Variants in TNFRSF1A observed in about 807,000 individuals in gnomAD.
The protein encoded by TNFRSF1A is TNF receptor superfamily member 1A, also known as tumor necrosis factor receptor superfamily member 1A.
A neutral mutation model predicts 41.6 loss-of-function variants in TNFRSF1A; 9 were observed. That is an observed-to-expected ratio of 0.22 (90% CI 0.13 to 0.38). The LOEUF (loss-of-function observed/expected upper bound fraction) is 0.38, where lower values mean the gene tolerates loss of function less well. Ranked by LOEUF, TNFRSF1A falls within the 10% of genes least tolerant of loss-of-function variation. The pLI is 1.00. For synonymous variants in TNFRSF1A, 254 were observed against 248.6 expected (o/e 1.02, Z -0.21); for missense variants, 463 against 591.5 (o/e 0.78, Z 2.25).
rs1401931596 is a variant in TNFRSF1A at position 6,337,041 on chromosome 12, G to A, written c.40-2797C>T. On this transcript the variant is annotated intron_variant, in intron 1 of 9. Transcript: ENST00000162749. This position sits in a 1 kb window ranked among gnomAD's most constrained non-coding sequence, Gnocchi z 4.6. The stretch of plus-strand genomic sequence containing the variant: ...CTGAACACCCACTTCCAGGAACGAG[G>A]GAGCAGGCAAGAAGGGATGCCGGAT... Among the ~76,000 whole-genome samples the A allele has an allele frequency of 6.6e-6, 1 of 152,206 alleles. No homozygotes were observed. The highest frequency in any genetic ancestry group is 2.4e-5 in the African/African-American group (1 of 41,450).
intron 7 of TNFRSF1A, 99 bp downstream of exon 7, chr12:6,330,498 AG>A: frequency 9.5e-7 from 1 of 1,048,420 alleles, no homozygotes. Context: ...GTATGAACTG[AG>A]GGGACACTCC....
At position 6,333,894 on chromosome 12, in the gene TNFRSF1A, C is replaced by T. The variant is rs74059209; in HGVS notation, c.194-29G>A. The stretch of plus-strand genomic sequence containing the variant: ...TGAATGGGGCCGCAGAGTTAGGCTG[C>T]GGGTGAGAACACAAGGAAGGAGCCC... On this transcript the variant is annotated intron_variant, in intron 2 of 9. Transcript: ENST00000162749. The surrounding 1 kb of genome is among the most constrained non-coding windows in gnomAD (Gnocchi z 6.3). 1,111 of 1,600,640 alleles carry T rather than the reference C, an allele frequency of 6.9e-4. 15 individuals carry two copies. In the African/African-American group the frequency reaches 0.013, roughly 19 times the overall value.
At position 6,330,820 on chromosome 12, in the gene TNFRSF1A, G is replaced by A; in HGVS notation, c.625+33C>T. The A allele has an allele frequency of 3.1e-6, 5 of 1,604,572 alleles. No homozygotes were observed. In the African/African-American group the frequency reaches 4.0e-5, roughly 13 times the overall value. ...TGGGGGCAAGAAGAGGGAGAGGGCA[G>A]GTGAGCATGGGCACCAGGTCACTTC... is the stretch of plus-strand genomic sequence containing the variant. On this transcript the variant is annotated intron_variant, in intron 6 of 9. Transcript: ENST00000162749.
chr12:6,333,670 C>A lies in TNFRSF1A; in HGVS notation c.322+67G>T. ...CACCTTCCTGCCCACACCCACCAGC[C>A]TGCACATAGACAGGCACCCACACAC... On this transcript the variant is annotated intron_variant, in intron 3 of 9. Transcript: ENST00000162749. The surrounding 1 kb of genome is among the most constrained non-coding windows in gnomAD (Gnocchi z 6.3). 1 of 1,561,936 alleles carries A rather than the reference C, an allele frequency of 6.4e-7. No individual in the cohort carries two copies. Among genetic ancestry groups the A allele is most frequent in the East Asian group, 2.4e-5 (1 of 41,956 alleles).
At chr12:6,339,851 A>T (rs1438976789) in intron 1 of TNFRSF1A, among the ~76,000 whole-genome samples, 3 of 151,052 alleles carry the variant, frequency 2.0e-5, no homozygotes, top group Non-Finnish European at 2.9e-5. Flanking sequence ...TCACACACAC[A>T]CACACACACA....
intron 6 of TNFRSF1A, 55 bp downstream of exon 6, chr12:6,330,798 G>A: frequency 6.3e-7 from 1 of 1,590,186 alleles, no homozygotes; most frequent in Non-Finnish European, 8.6e-7. Context: ...GGACGGGTGG[G>A]GGCAAGAAGA....
chr12:6,330,135 G>T lies in TNFRSF1A; in HGVS notation c.769-69C>A, dbSNP rs1363811217. On this transcript the variant is annotated intron_variant, in intron 8 of 9. Coordinates refer to ENST00000162749, the MANE Select transcript of TNFRSF1A (RefSeq NM_001065.4). Reference sequence around the variant, plus strand: ...CCAGCCCCGGCCCTCTTTATTCTACGTGGGGGTTGGGACTTAGAGGGAATG... The same window carrying T: ...CCAGCCCCGGCCCTCTTTATTCTACTTGGGGGTTGGGACTTAGAGGGAATG... The T allele has an allele frequency of 5.6e-6, 9 of 1,610,854 alleles. No homozygotes were observed. The African/African-American group carries it at 8.0e-5, about 14-fold the overall frequency.
Position 6,333,767 on chromosome 12 carries a change from G to C in TNFRSF1A, c.292C>G (p.His98Asp). 1 of 1,575,500 alleles carries C rather than the reference G, an allele frequency of 6.3e-7. No homozygotes were observed. Among genetic ancestry groups the C allele is most frequent in the Non-Finnish European group, 8.6e-7 (1 of 1,159,436 alleles). Residue 98 changes from histidine (H) to aspartate (D), a missense_variant, in exon 3 of 10, where the codon CAC (histidine) becomes GAC (aspartate). This residue lies in a region of TNFRSF1A where 149 missense variants were observed against 239.4 expected (regional missense o/e 0.62). Transcript: ENST00000162749. The surrounding 1 kb of genome is among the most constrained non-coding windows in gnomAD (Gnocchi z 6.3). ...CGGCATTTGGAGCAGCTGAGGCAGT[G>C]TCTGAGGTGGTTTTCTGAAGCGGTG... is the stretch of plus-strand genomic sequence containing the variant. ...SFTASENHLR[H>D]CLSCSKCRKE...
chr12:6,333,291 G>A lies in TNFRSF1A; in HGVS notation c.472+76C>T, dbSNP rs1282735865. ...ACAGAATACAGGAGGGGGAAGGAAAGGAAGTGCCACCGCATGGGGAAGGGG... is the reference window on the plus strand; with the variant it reads ...ACAGAATACAGGAGGGGGAAGGAAAAGAAGTGCCACCGCATGGGGAAGGGG... On this transcript the variant is annotated intron_variant, in intron 4 of 9. Transcript: ENST00000162749. The surrounding 1 kb of genome is among the most constrained non-coding windows in gnomAD (Gnocchi z 6.3). The A allele has an allele frequency of 1.3e-6, 2 of 1,577,022 alleles. No individual in the cohort carries two copies. The highest frequency in any genetic ancestry group is 1.7e-6 in the Non-Finnish European group (2 of 1,157,152).
Position 6,341,496 on chromosome 12 carries a change from C to T in TNFRSF1A, c.39+280G>A, listed in dbSNP as rs1034841916. On this transcript the variant is annotated intron_variant, in intron 1 of 9. Coordinates refer to ENST00000162749, the MANE Select transcript of TNFRSF1A (RefSeq NM_001065.4). This position sits in a 1 kb window ranked among gnomAD's most constrained non-coding sequence, Gnocchi z 4.6. ...TATCTCCTGCCCACATTCCCTTGGC[C>T]GCCCACAAACTTCCACCGCTGTCAG... is the stretch of plus-strand genomic sequence containing the variant. Among the ~76,000 whole-genome samples the T allele has an allele frequency of 3.9e-5, 6 of 152,244 alleles. No individual in the cohort carries two copies. The highest frequency in any genetic ancestry group is 6.5e-5 in the Admixed American group (1 of 15,290).
intron 5 of TNFRSF1A, among the ~76,000 whole-genome samples, chr12:6,332,166 C>T (rs1203650690): frequency 1.3e-5 from 2 of 151,930 alleles, no homozygotes; most frequent in Non-Finnish European, 2.9e-5. Context: ...CCAGGCCAGG[C>T]GTGGTGGCTC....
intron 1 of TNFRSF1A, among the ~76,000 whole-genome samples, chr12:6,339,811 C>T (rs1948165585): frequency 6.8e-6 from 1 of 147,772 alleles, no homozygotes; most frequent in African/African-American, 2.6e-5. Context: ...ACTCCCCTAC[C>T]CCACTTCTCT....
In TNFRSF1A at chr12:6,329,106, A is replaced by T; in HGVS notation, c.*206T>A. The stretch of plus-strand genomic sequence containing the variant: ...ACCACCCACTCAGGCTCTTGAGCCC[A>T]CGGCGCACCTCTCTCCGCGCGCACA... On this transcript the variant is annotated 3_prime_UTR_variant, in exon 10 of 10. Coordinates refer to ENST00000162749, the MANE Select transcript of TNFRSF1A (RefSeq NM_001065.4). 1 of 460,232 alleles carries T rather than the reference A, an allele frequency of 2.2e-6. No individual in the cohort carries two copies. Among genetic ancestry groups the T allele is most frequent in the Non-Finnish European group, 3.6e-6 (1 of 275,928 alleles). 28.5% of individuals were successfully genotyped at this position (460,232 alleles called of 1,614,324 possible).
intron 1 of TNFRSF1A, among the ~76,000 whole-genome samples, chr12:6,339,841 T>TCTCACACACACACACACA (rs762783221): frequency 8.8e-6 from 1 of 113,650 alleles, no homozygotes; most frequent in African/African-American, 4.0e-5. Flanking sequence ...TCTCTCTCTC[T>TCTCACACACACACACACA]CACACACACA....
rs747164054 is a variant in TNFRSF1A, at chr12:6,333,455, C to T, written c.384G>A (p.Arg128=). The T allele has an allele frequency of 1.6e-5, 26 of 1,614,028 alleles. No individual in the cohort carries two copies. In the East Asian group the frequency reaches 5.1e-4, roughly 32 times the overall value. The change falls in exon 4 of 10, where the codon AGG becomes AGA. Residue 128 remains arginine, a synonymous_variant. Coordinates refer to ENST00000162749, the MANE Select transcript of TNFRSF1A (RefSeq NM_001065.4). This position sits in a 1 kb window ranked among gnomAD's most constrained non-coding sequence, Gnocchi z 6.3. ...TCCAATAATGCCGGTACTGGTTCTT[C>T]CTGCAGCCACACACGGTGTCCCGGT... ...TVDRDTVCGC[R]KNQYRHYWSE...
At chr12:6,332,886 T>G (rs960605134) in intron 5 of TNFRSF1A, among the ~76,000 whole-genome samples, 183 bp downstream of exon 5, 3 of 152,146 alleles carry the variant, frequency 2.0e-5, no homozygotes, top group African/African-American at 7.2e-5. Flanking sequence ...AAAGACTTCT[T>G]CAGATTTGAA....
At chr12:6,336,608 C>T (rs544513586) in intron 1 of TNFRSF1A, among the ~76,000 whole-genome samples, 1 of 152,332 alleles carries the variant, frequency 6.6e-6, no homozygotes, top group South Asian at 2.1e-4. Flanking sequence ...GCCTCCCTCT[C>T]CCCATTCCAT....
intron 5 of TNFRSF1A, among the ~76,000 whole-genome samples, chr12:6,332,259 G>A (rs1408900322): frequency 1.3e-5 from 2 of 151,818 alleles, no homozygotes; most frequent in African/African-American, 2.4e-5. Context: ...GGGCAATATA[G>A]TAGGACCCTG....
At chr12:6,331,612 G>C (rs1035254321) in intron 5 of TNFRSF1A, 2 of 168,118 alleles carry the variant, frequency 1.2e-5, no homozygotes, top group African/African-American at 4.8e-5. Flanking sequence ...ACTTGAGAGA[G>C]TGAGTTCCCA....
Sources: gnomAD v4.1 joint callset for allele counts (sites outside exome capture counted in the v4.1 genomes callset) on GRCh38, gnomAD v4.1.1 for gene constraint, gnomAD v4.1.1 regional missense constraint, Gnocchi (gnomAD v3.1) non-coding constraint, MANE v1.5 for transcripts, NCBI Gene and HGNC (gene_info 2026-07-23, HGNC 2026-07-21) for gene names.